The following EFNA5 variants were observed in gnomAD, a reference collection of about 807,000 sequenced individuals.
The protein encoded by EFNA5 is ephrin A5.
Under a neutral mutation model 22.9 loss-of-function variants are expected in EFNA5, and 5 were observed. The observed-to-expected ratio is 0.22, with a 90% CI of 0.11 to 0.46. The LOEUF (loss-of-function observed/expected upper bound fraction) is 0.46, where lower values mean the gene tolerates loss of function less well. Among genes scored for constraint, EFNA5 ranks in the 20% least tolerant of loss-of-function variants. The pLI is 0.99. For synonymous variants in EFNA5, 113 were observed against 112.2 expected (o/e 1.01, Z -0.04); for missense variants, 237 against 293.3 (o/e 0.81, Z 1.40).
chr5:107,666,803 G>C (rs931109648), intron 1 of EFNA5, among the ~76,000 whole-genome samples: 7 of 152,080 alleles, frequency 4.6e-5, no homozygotes, highest in Admixed American at 4.6e-4. Context: ...CTTAGAATAC[G>C]CACATGATGT....
intron 4 of EFNA5, among the ~76,000 whole-genome samples, chr5:107,381,752 G>A (rs1422951086): frequency 1.3e-5 from 2 of 152,194 alleles, no homozygotes; most frequent in African/African-American, 4.8e-5. Context: ...ATGTTGGTGG[G>A]GGTGGGGGAA....
At chr5:107,656,772 G>T (rs187913591) in intron 1 of EFNA5, among the ~76,000 whole-genome samples, 130 of 152,080 alleles carry the variant, frequency 8.5e-4, no homozygotes, top group African/African-American at 2.9e-3. Context: ...TTATTTATTA[G>T]GGTGAAGAAA....
intron 1 of EFNA5, among the ~76,000 whole-genome samples, chr5:107,565,645 T>C (rs763480332): frequency 2.6e-5 from 4 of 152,210 alleles, no homozygotes; most frequent in South Asian, 4.1e-4. Flanking sequence ...TTTTCCTGTT[T>C]TATAACAGCC....
intron 2 of EFNA5, among the ~76,000 whole-genome samples, chr5:107,417,916 AAGTCTGTAGAAAT>A (rs753142164): frequency 6.6e-5 from 10 of 152,218 alleles, no homozygotes; most frequent in Non-Finnish European, 1.2e-4. Flanking sequence ...ATGAGTGGGA[AAGTCTGTAGAAAT>A]AGTATTTCTT....
intron 1 of EFNA5, among the ~76,000 whole-genome samples, chr5:107,565,937 A>T (rs1368260263): frequency 6.6e-6 from 1 of 152,244 alleles, no homozygotes; most frequent in Non-Finnish European, 1.5e-5. Context: ...GACTAAACAC[A>T]TTGTTTTGGA....
At chr5:107,477,520 A>C (rs893844171) in intron 1 of EFNA5, among the ~76,000 whole-genome samples, 10 of 152,172 alleles carry the variant, frequency 6.6e-5, no homozygotes, top group Non-Finnish European at 1.5e-4. Flanking sequence ...CTGTAAAAGG[A>C]TCTCTGGCAA....
intron 1 of EFNA5, among the ~76,000 whole-genome samples, chr5:107,519,130 T>C (rs977722052): frequency 6.6e-6 from 1 of 152,240 alleles, no homozygotes; most frequent in Non-Finnish European, 1.5e-5. Flanking sequence ...AGAACTTGAA[T>C]TACCCTGTCG....
At chr5:107,452,813 C>T (rs1340287199) in intron 1 of EFNA5, among the ~76,000 whole-genome samples, 1 of 152,164 alleles carries the variant, frequency 6.6e-6, no homozygotes, top group African/African-American at 2.4e-5. Context: ...TCTACTTGAG[C>T]TTCTGGTTAT....
Position 107,427,026 on chromosome 5 carries a change from C to T in EFNA5, c.418+191G>A, listed in dbSNP as rs186304627. On this transcript the variant is annotated intron_variant, in intron 2 of 4. Transcript: ENST00000333274. Reference sequence around the variant, plus strand: ...TGACACGTAATTTCATAGGGGGAGACGCGCTCTGTCTTTAATCTAATTTGT... The same window carrying T: ...TGACACGTAATTTCATAGGGGGAGATGCGCTCTGTCTTTAATCTAATTTGT... 348 of 618,542 alleles carry T rather than the reference C, an allele frequency of 5.6e-4. No homozygotes were observed. In the African/African-American group the frequency reaches 5.6e-3, roughly 10 times the overall value. 38.3% of individuals were successfully genotyped at this position (618,542 alleles called of 1,614,324 possible).
At chr5:107,477,466 A>G (rs951067737) in intron 1 of EFNA5, among the ~76,000 whole-genome samples, 2 of 152,228 alleles carry the variant, frequency 1.3e-5, no homozygotes, top group African/African-American at 4.8e-5. Context: ...GCTTTCTTAC[A>G]TGAGGTATTA....
intron 2 of EFNA5, among the ~76,000 whole-genome samples, chr5:107,402,120 T>G (rs779648821): frequency 6.6e-6 from 1 of 152,164 alleles, no homozygotes; most frequent in African/African-American, 2.4e-5. Flanking sequence ...CTTGGAGATA[T>G]GTAGATATTC....
intron 1 of EFNA5, among the ~76,000 whole-genome samples, chr5:107,645,272 T>C (rs937772504): frequency 6.6e-6 from 1 of 152,198 alleles, no homozygotes; most frequent in Non-Finnish European, 1.5e-5. Flanking sequence ...TAAATCTGCC[T>C]TGTAGAAGTT....
chr5:107,489,320 C>T lies in EFNA5; in HGVS notation c.126-61811G>A, dbSNP rs532071513. 7.0e-4 allele frequency among the ~76,000 whole-genome samples: 106 copies of T among 152,094 alleles called. 1 individual carries two copies. The highest frequency in any genetic ancestry group is 3.4e-3 in the Middle Eastern group (1 of 294). The stretch of plus-strand genomic sequence containing the variant: ...TCTCTAGTAGCTGGGATTACAGGCA[C>T]GTGCCACCATGTCTGGCTAATTATT... On this transcript the variant is annotated intron_variant, in intron 1 of 4. Transcript: ENST00000333274.
At chr5:107,412,016 G>T (rs971369304) in intron 2 of EFNA5, among the ~76,000 whole-genome samples, 8 of 152,146 alleles carry the variant, frequency 5.3e-5, no homozygotes, top group African/African-American at 1.9e-4. Flanking sequence ...CATACATTTG[G>T]CAATGAATTA....
chr5:107,466,751 A>G (rs1279078288), intron 1 of EFNA5, among the ~76,000 whole-genome samples: 1 of 152,136 alleles, frequency 6.6e-6, no homozygotes, highest in African/African-American at 2.4e-5. Flanking sequence ...CTGGTAGGTG[A>G]GATGCACAAA....
At chr5:107,628,300 C>A (rs1214582253) in intron 1 of EFNA5, among the ~76,000 whole-genome samples, 1 of 152,110 alleles carries the variant, frequency 6.6e-6, no homozygotes, top group Non-Finnish European at 1.5e-5. Flanking sequence ...CTCTATATTA[C>A]CAGCACCTGG....
chr5:107,427,738 A>G (rs1748844585), intron 1 of EFNA5, among the ~76,000 whole-genome samples: 1 of 152,152 alleles, frequency 6.6e-6, no homozygotes, highest in Non-Finnish European at 1.5e-5. Flanking sequence ...AAAATATCCT[A>G]CAAACTAAGT....
At chr5:107,599,891 G>A (rs537961864) in intron 1 of EFNA5, among the ~76,000 whole-genome samples, 1 of 152,336 alleles carries the variant, frequency 6.6e-6, no homozygotes, top group South Asian at 2.1e-4. Context: ...CTGCCTTTAG[G>A]CAGGTAGTTG....
At chr5:107,477,601 T>G (rs1415033023) in intron 1 of EFNA5, among the ~76,000 whole-genome samples, 3 of 152,186 alleles carry the variant, frequency 2.0e-5, no homozygotes, top group Non-Finnish European at 4.4e-5. Context: ...TTTTTATTTC[T>G]CTATATAACC....
Sources: allele counts gnomAD v4.1 joint callset (sites outside exome capture counted in the v4.1 genomes callset), GRCh38; gene constraint gnomAD v4.1.1; transcripts MANE v1.5; gene names NCBI Gene and HGNC (gene_info 2026-07-23, HGNC 2026-07-21).